TRPC5: variants seen among roughly 807,000 people sequenced by gnomAD.
TRPC5 encodes the protein transient receptor potential cation channel subfamily C member 5.
A neutral mutation model predicts 56.5 loss-of-function variants in TRPC5; 9 were observed. The ratio of observed to expected loss-of-function variants is 0.16; its 90% CI spans 0.10 to 0.28. The LOEUF (loss-of-function observed/expected upper bound fraction) is 0.28, where lower values mean the gene tolerates loss of function less well. Among genes scored for constraint, TRPC5 ranks in the 10% least tolerant of loss-of-function variants. The pLI is 1.00. For missense variants in TRPC5, 469 were observed against 748.9 expected, an observed-to-expected ratio of 0.63 and a Z score of 4.36; for synonymous variants, 282 against 278.5, an observed-to-expected ratio of 1.01 and a Z score of -0.13.
chrX:112,016,389 A>G, intron 1 of TRPC5, among the ~76,000 whole-genome samples: 1 of 106,491 alleles, frequency 9.4e-6, no homozygotes, highest in South Asian at 4.1e-4. Context: ...GTGTGTGTGT[A>G]TCTCAAGGAG....
intron 3 of TRPC5, chrX:111,876,184 A>G (rs1923936624): frequency 9.0e-6 from 1 of 111,432 alleles, no homozygotes; most frequent in African/African-American, 3.3e-5. Context: ...TCCTACCATT[A>G]GAGAGGTAAG....
intron 6 of TRPC5, among the ~76,000 whole-genome samples, chrX:111,843,391 C>T (rs766760197): frequency 9.8e-5 from 11 of 111,928 alleles, no homozygotes; most frequent in Admixed American, 6.6e-4. Context: ...AAGAAGCCTG[C>T]AGCTGAGAGT....
chrX:111,964,572 G>C (rs1335512116), intron 1 of TRPC5, among the ~76,000 whole-genome samples: 1 of 112,227 alleles, frequency 8.9e-6, no homozygotes, highest in African/African-American at 3.3e-5. Context: ...GGCAGCGAGA[G>C]AGAAAGGTGG....
chrX:112,047,426 G>A (rs1386191390), intron 1 of TRPC5, among the ~76,000 whole-genome samples: 1 of 111,377 alleles, frequency 9.0e-6, no homozygotes, highest in African/African-American at 3.3e-5. Flanking sequence ...TTTCTAACAA[G>A]TTCCCAAGTG....
chrX:111,993,575 C>A (rs1480714405), intron 1 of TRPC5, among the ~76,000 whole-genome samples: 1 of 112,208 alleles, frequency 8.9e-6, no homozygotes, highest in African/African-American at 3.2e-5. Context: ...GGTTTCCTGA[C>A]TTTTTAATGA....
At chrX:111,808,309 A>G (rs1603037885) in intron 7 of TRPC5, among the ~76,000 whole-genome samples, 1 of 110,166 alleles carries the variant, frequency 9.1e-6, no homozygotes, top group African/African-American at 3.3e-5. Context: ...CTGGTGCTCT[A>G]TTTTACTGGG....
chrX:111,857,947 T>G (rs954456756), intron 3 of TRPC5, among the ~76,000 whole-genome samples: 1 of 112,466 alleles, frequency 8.9e-6, no homozygotes, highest in Non-Finnish European at 1.9e-5. Context: ...TAATGGTGGA[T>G]ATACCATCCA....
At chrX:111,806,307 G>C (rs1921511219) in intron 7 of TRPC5, among the ~76,000 whole-genome samples, 1 of 112,385 alleles carries the variant, frequency 8.9e-6, no homozygotes, top group Admixed American at 9.4e-5. Context: ...TCTGGCTCAA[G>C]ATCTCTTACA....
At chrX:112,069,087 T>A (rs1456991956) in intron 1 of TRPC5, among the ~76,000 whole-genome samples, 2 of 111,717 alleles carry the variant, frequency 1.8e-5, no homozygotes, top group Non-Finnish European at 1.9e-5. Context: ...TGGCAGCTAA[T>A]GAGAGCTTAT....
At chrX:111,994,765 C>T (rs1489732061) in intron 1 of TRPC5, among the ~76,000 whole-genome samples, 2 of 111,627 alleles carry the variant, frequency 1.8e-5, no homozygotes, top group African/African-American at 6.5e-5. Context: ...TATCCTGAGA[C>T]TTTGCTGAAG....
chrX:111,962,292 T>G (rs1836185671), intron 1 of TRPC5, among the ~76,000 whole-genome samples: 1 of 112,418 alleles, frequency 8.9e-6, no homozygotes, highest in Admixed American at 9.4e-5. Context: ...ATGTATGATT[T>G]ATGATCCAAA....
intron 9 of TRPC5, among the ~76,000 whole-genome samples, chrX:111,780,509 T>C (rs1238667162): frequency 9.0e-6 from 1 of 111,089 alleles, no homozygotes; most frequent in East Asian, 2.8e-4. Flanking sequence ...CATCCCTTGG[T>C]ATACTCTGGG....
intron 1 of TRPC5, among the ~76,000 whole-genome samples, chrX:112,074,510 A>T (rs1930789826): frequency 9.1e-6 from 1 of 110,339 alleles, no homozygotes; most frequent in Non-Finnish European, 1.9e-5. Flanking sequence ...TTCTTTTTTT[A>T]AAATCTCCAA....
chrX:111,956,296 A>C (rs111235817), intron 1 of TRPC5, among the ~76,000 whole-genome samples: 22,092 of 111,466 alleles, frequency 0.2, 2,166 homozygotes, highest in African/African-American at 0.37. Context: ...ACTGAAGCTT[A>C]AATGGTAAAA....
At chrX:111,970,771 T>A (rs1347573435) in intron 1 of TRPC5, among the ~76,000 whole-genome samples, 1 of 99,393 alleles carries the variant, frequency 1.0e-5, no homozygotes, top group African/African-American at 4.0e-5. Context: ...CAAGTCACAT[T>A]ACCGTTTTTT....
intron 2 of TRPC5, among the ~76,000 whole-genome samples, chrX:111,948,764 T>C (rs1485870592): frequency 1.8e-5 from 2 of 108,297 alleles, no homozygotes; most frequent in Non-Finnish European, 3.8e-5. Flanking sequence ...AGTGGAAAGG[T>C]CTCAAAAATA....
intron 2 of TRPC5, among the ~76,000 whole-genome samples, chrX:111,934,876 G>C (rs764108743): frequency 8.9e-6 from 1 of 112,227 alleles, no homozygotes; most frequent in Non-Finnish European, 1.9e-5. Context: ...TCTGTTGATC[G>C]ACAAGTTAGT....
chrX:111,830,728 C>A (rs1362744456), intron 7 of TRPC5, among the ~76,000 whole-genome samples: 1 of 111,920 alleles, frequency 8.9e-6, no homozygotes, highest in East Asian at 2.8e-4. Flanking sequence ...ATGAAGCATC[C>A]CCAGCCATGT....
intron 3 of TRPC5, chrX:111,901,643 C>T (rs754851285): frequency 2.1e-5 from 7 of 325,972 alleles, no homozygotes; most frequent in East Asian, 1.9e-4. Flanking sequence ...AAATTCTGTG[C>T]GCGGTTTACC....
Sources: gnomAD v4.1 joint callset for allele counts (sites outside exome capture counted in the v4.1 genomes callset) on GRCh38, gnomAD v4.1.1 for gene constraint, MANE v1.5 for transcripts, NCBI Gene and HGNC (gene_info 2026-07-23, HGNC 2026-07-21) for gene names.